The following MYO5B variants were observed in gnomAD, a reference collection of about 807,000 sequenced individuals.
MYO5B encodes the protein myosin VB, also known as unconventional myosin-Vb.
In MYO5B, 143 loss-of-function variants were observed where a neutral mutation model predicts 229.3. The ratio of observed to expected loss-of-function variants is 0.62; its 90% CI spans 0.54 to 0.72. The LOEUF (loss-of-function observed/expected upper bound fraction) is 0.72, where lower values mean the gene tolerates loss of function less well. Ranked by LOEUF, MYO5B falls within the 30% of genes least tolerant of loss-of-function variation. The pLI is 0.00. For missense variants in MYO5B, 2,321 were observed against 2,331.0 expected (o/e 1.00, Z 0.09); for synonymous variants, 918 against 885.2 (o/e 1.04, Z -0.66).
Position 49,904,656 on chromosome 18 carries a change from C to T in MYO5B, c.2571+16G>A, listed in dbSNP as rs1400676374. On this transcript the variant is annotated intron_variant, in intron 20 of 39. Transcript: ENST00000285039. ...TCTGAATCTGCAGCCCTGAGGCCCT[C>T]AGAGTGGCTACTCACCTGGCGGTAG... 1.2e-6 allele frequency: 2 copies of T among 1,613,972 alleles called. No individual in the cohort carries two copies. The highest frequency in any genetic ancestry group is 1.3e-5 in the African/African-American group (1 of 74,942).
At chr18:49,922,867 G>A (rs898334690) in intron 17 of MYO5B, among the ~76,000 whole-genome samples, 4 of 152,180 alleles carry the variant, frequency 2.6e-5, no homozygotes, top group African/African-American at 9.7e-5. Flanking sequence ...GCTATCAGCT[G>A]CCCCTTAAGA....
At chr18:49,890,784 T>C (rs1326986219) in intron 22 of MYO5B, among the ~76,000 whole-genome samples, 1 of 152,252 alleles carries the variant, frequency 6.6e-6, no homozygotes, top group Non-Finnish European at 1.5e-5. Flanking sequence ...ATACCTTTAA[T>C]TCTGCAAAAT....
At chr18:50,160,801 A>G (rs1354155470) in intron 1 of MYO5B, among the ~76,000 whole-genome samples, 4 of 151,658 alleles carry the variant, frequency 2.6e-5, no homozygotes, top group Non-Finnish European at 4.4e-5. Flanking sequence ...GCACATATCA[A>G]CTCCCCTAGT....
intron 12 of MYO5B, among the ~76,000 whole-genome samples, chr18:49,961,681 G>A (rs2025561063): frequency 6.6e-6 from 1 of 152,128 alleles, no homozygotes; most frequent in African/African-American, 2.4e-5. Flanking sequence ...CCCTATCATC[G>A]AGCAGGAAAC....
intron 20 of MYO5B, among the ~76,000 whole-genome samples, 165 bp downstream of exon 20, chr18:49,904,506 CT>C (rs1210907265): frequency 6.6e-6 from 1 of 152,250 alleles, no homozygotes; most frequent in African/African-American, 2.4e-5. Context: ...TATGCACACC[CT>C]TCCTACCTTG....
Position 49,992,450 on chromosome 18 carries a change from C to T in MYO5B, c.613-19G>A. On this transcript the variant is annotated intron_variant, in intron 5 of 39. Transcript: ENST00000285039. ...CAATGGCCTGCACAGACCAGACAGA[C>T]AAAGGTATGAAAAAAAAAGAGGGCT... The T allele has an allele frequency of 6.2e-7, 1 of 1,613,656 alleles. No homozygotes were observed. The highest frequency in any genetic ancestry group is 2.2e-5 in the East Asian group (1 of 44,866).
At chr18:50,113,605 T>C (rs9966423) in intron 1 of MYO5B, among the ~76,000 whole-genome samples, 148,684 of 152,370 alleles carry the variant, frequency 0.98, 72,664 homozygotes, top group East Asian at 1. Context: ...AATTGCAACT[T>C]ATTTCTGTAC....
chr18:49,860,675 C>A (rs2024318774), intron 29 of MYO5B, among the ~76,000 whole-genome samples: 1 of 152,188 alleles, frequency 6.6e-6, no homozygotes, highest in Admixed American at 6.5e-5. Context: ...GAGGCTATGA[C>A]TGGGAATGTG....
chr18:49,957,928 TG>T (rs1418406755), intron 12 of MYO5B, among the ~76,000 whole-genome samples: 5 of 152,072 alleles, frequency 3.3e-5, no homozygotes, highest in African/African-American at 7.2e-5. Context: ...GAAGCCCAGC[TG>T]GCCCCCCCCA....
chr18:50,111,639 T>C lies in MYO5B; in HGVS notation c.28-56261A>G, dbSNP rs142843181. ...TCTATAATGGTTATTGTTGCTTTTA[T>C]TGCTGTATGTTTGCAGAACCTTTTG... On this transcript the variant is annotated intron_variant, in intron 1 of 39. Coordinates refer to ENST00000285039, the MANE Select transcript of MYO5B (RefSeq NM_001080467.3). Among the ~76,000 whole-genome samples, 1,138 of 152,354 alleles carry C rather than the reference T, an allele frequency of 7.5e-3. 9 individuals are homozygous for C. The highest frequency in any genetic ancestry group is 0.026 in the African/African-American group (1,065 of 41,580).
Position 50,115,595 on chromosome 18 carries a change from A to G in MYO5B, c.28-60217T>C, listed in dbSNP as rs142461588. On this transcript the variant is annotated intron_variant, in intron 1 of 39. Transcript: ENST00000285039. ...ACACACACACACACAAACTGTCCCT[A>G]TCCTCAGAGCTGACAGTTTACTAGT... Among the ~76,000 whole-genome samples the G allele has an allele frequency of 8.0e-3, 1,211 of 151,292 alleles. 3 individuals carry two copies. The highest frequency in any genetic ancestry group is 0.014 in the Non-Finnish European group (931 of 67,840).
At chr18:49,847,029 A>AG in intron 33 of MYO5B, 117 bp downstream of exon 33, 4 of 1,191,270 alleles carry the variant, frequency 3.4e-6, no homozygotes, top group Non-Finnish European at 4.6e-6. Flanking sequence ...TAGGAGACAG[A>AG]GGGTGGGGGC....
intron 23 of MYO5B, 63 bp downstream of exon 23, chr18:49,880,308 G>C: frequency 7.1e-7 from 1 of 1,400,210 alleles, no homozygotes; most frequent in Non-Finnish European, 1.0e-6. Flanking sequence ...GGAGTCTTTG[G>C]GAGAAGTCAG....
chr18:50,043,414 T>C (rs1399570749), intron 2 of MYO5B, among the ~76,000 whole-genome samples: 1 of 49,310 alleles, frequency 2.0e-5, no homozygotes, highest in Non-Finnish European at 3.9e-5. Flanking sequence ...AAATATTAAA[T>C]ATTTAAATAT....
chr18:49,859,118 G>A (rs906934424), intron 29 of MYO5B, among the ~76,000 whole-genome samples: 2 of 152,218 alleles, frequency 1.3e-5, no homozygotes, highest in Admixed American at 6.5e-5. Context: ...AAACTGGCTG[G>A]AGAACCTAGC....
At chr18:50,010,713 ATGT>A (rs1338845798) in intron 4 of MYO5B, among the ~76,000 whole-genome samples, 4 of 152,178 alleles carry the variant, frequency 2.6e-5, no homozygotes, top group Non-Finnish European at 4.4e-5. Flanking sequence ...ACTTATTCTA[ATGT>A]TGTCATTAGC....
At chr18:49,884,309 G>A (rs375348806) in intron 22 of MYO5B, among the ~76,000 whole-genome samples, 6 of 152,022 alleles carry the variant, frequency 3.9e-5, no homozygotes, top group East Asian at 1.9e-4. Context: ...CCAGGGTGAC[G>A]GGGGAATGGT....
chr18:50,005,211 C>A (rs1409526565), intron 4 of MYO5B, among the ~76,000 whole-genome samples: 2 of 152,180 alleles, frequency 1.3e-5, no homozygotes, highest in Admixed American at 1.3e-4. Flanking sequence ...AGCATGTAAA[C>A]CCTTCCACGA....
intron 1 of MYO5B, among the ~76,000 whole-genome samples, chr18:50,073,158 AT>A (rs1231126045): frequency 6.6e-6 from 1 of 152,224 alleles, no homozygotes; most frequent in African/African-American, 2.4e-5. Context: ...ACAAATGCTA[AT>A]TGCTATCATT....
Sources: allele counts gnomAD v4.1 joint callset (sites outside exome capture counted in the v4.1 genomes callset), GRCh38; gene constraint gnomAD v4.1.1; transcripts MANE v1.5; gene names NCBI Gene and HGNC (gene_info 2026-07-23, HGNC 2026-07-21).